Variants in ANXA3 observed in about 807,000 individuals in gnomAD.
The protein encoded by ANXA3 is annexin A3.
A neutral mutation model predicts 48.8 loss-of-function variants in ANXA3; 46 were observed. The ratio of observed to expected loss-of-function variants is 0.94; its 90% CI spans 0.74 to 1.21. The LOEUF (loss-of-function observed/expected upper bound fraction) is 1.21. Among genes scored for constraint, ANXA3 ranks in the 50% most tolerant of loss-of-function variants. The pLI, the probability that ANXA3 is intolerant of heterozygous loss-of-function variation, is 0.00. For synonymous variants in ANXA3, 128 were observed against 134.7 expected, an observed-to-expected ratio of 0.95 and a Z score of 0.35; for missense variants, 383 against 378.6, an observed-to-expected ratio of 1.01 and a Z score of -0.10.
chr4:78,595,245 C>T, intron 7 of ANXA3, 136 bp from the exon 8 acceptor site: 4 of 902,492 alleles, frequency 4.4e-6, no homozygotes, highest in Non-Finnish European at 7.1e-6. Flanking sequence ...AGAACTGGAG[C>T]CCTGAGTACA....
intron 12 of ANXA3, among the ~76,000 whole-genome samples, chr4:78,607,659 G>A (rs10028815): frequency 0.51 from 78,020 of 152,000 alleles, 21,583 homozygotes; most frequent in Middle Eastern, 0.62. Context: ...TCTATGTGGA[G>A]ACTTGAGGTA....
At chr4:78,573,632 C>T (rs1722888073) in intron 3 of ANXA3, among the ~76,000 whole-genome samples, 1 of 152,074 alleles carries the variant, frequency 6.6e-6, no homozygotes, top group Non-Finnish European at 1.5e-5. Flanking sequence ...AATACACACT[C>T]AGGAAAGGGG....
intron 12 of ANXA3, among the ~76,000 whole-genome samples, chr4:78,605,845 C>T (rs186261873): frequency 6.6e-6 from 1 of 152,324 alleles, no homozygotes; most frequent in African/African-American, 2.4e-5. Context: ...GGCTTCTGTA[C>T]CTTAAGCTCG....
At chr4:78,555,248 T>G (rs7696370) in intron 2 of ANXA3, among the ~76,000 whole-genome samples, 7,770 of 152,152 alleles carry the variant, frequency 0.051, 682 homozygotes, top group African/African-American at 0.18. Flanking sequence ...GATTGAAGAA[T>G]ATTCTTGGAG....
chr4:78,610,029 G>T (rs775165174), intron 12 of ANXA3, 27 bp from the exon 13 acceptor site: 3 of 1,554,220 alleles, frequency 1.9e-6, no homozygotes, highest in Non-Finnish European at 2.7e-6. Context: ...TACTGTATTT[G>T]TTCTTCATTG....
At chr4:78,590,667 G>C (rs17003373) in intron 6 of ANXA3, among the ~76,000 whole-genome samples, 1 of 152,060 alleles carries the variant, frequency 6.6e-6, no homozygotes, top group Non-Finnish European at 1.5e-5. Flanking sequence ...CAACTAGTCA[G>C]TACTAAAATA....
At chr4:78,562,572 A>C (rs1045741808) in intron 2 of ANXA3, among the ~76,000 whole-genome samples, 2 of 152,240 alleles carry the variant, frequency 1.3e-5, no homozygotes, top group African/African-American at 4.8e-5. Context: ...AAGCATTTTT[A>C]ATTCATTTAT....
intron 6 of ANXA3, among the ~76,000 whole-genome samples, chr4:78,586,725 A>G (rs562270978): frequency 1.3e-5 from 2 of 152,350 alleles, no homozygotes; most frequent in South Asian, 2.1e-4. Context: ...GGTGTGGGAA[A>G]TTAGATTAAT....
intron 8 of ANXA3, 137 bp downstream of exon 8, chr4:78,595,574 G>A: frequency 9.7e-7 from 1 of 1,031,086 alleles, no homozygotes; most frequent in Non-Finnish European, 1.4e-6. Flanking sequence ...AGAGAAGCCT[G>A]AAGCTTGGGG....
At chr4:78,579,532 A>G (rs1723031967) in intron 4 of ANXA3, among the ~76,000 whole-genome samples, 1 of 152,246 alleles carries the variant, frequency 6.6e-6, no homozygotes. Context: ...GCCCTCCACA[A>G]CAAAGAATTA....
At chr4:78,589,957 T>C (rs900490848) in intron 6 of ANXA3, among the ~76,000 whole-genome samples, 1 of 152,228 alleles carries the variant, frequency 6.6e-6, no homozygotes, top group African/African-American at 2.4e-5. Context: ...TCCAGGCACC[T>C]GTACTATTAA....
At chr4:78,595,987 G>A (rs948829520) in intron 9 of ANXA3, 100 bp downstream of exon 9, 29 of 762,492 alleles carry the variant, frequency 3.8e-5, no homozygotes, top group South Asian at 3.1e-4. Flanking sequence ...TTAAAATTGC[G>A]AAGTCTGTTC....
chr4:78,554,543 C>T (rs1722470626), intron 2 of ANXA3, 55 bp downstream of exon 2: 1 of 1,526,480 alleles, frequency 6.6e-7, no homozygotes, highest in Non-Finnish European at 9.1e-7. Flanking sequence ...CAAACCAAAA[C>T]ACAGAAGGTC....
intron 3 of ANXA3, among the ~76,000 whole-genome samples, chr4:78,578,181 T>C (rs1332506039): frequency 6.6e-6 from 1 of 151,448 alleles, no homozygotes; most frequent in Admixed American, 6.6e-5. Flanking sequence ...CTTGGGAGAC[T>C]GAGGCAGGAG....
chr4:78,562,330 C>T (rs1578390968), intron 2 of ANXA3, among the ~76,000 whole-genome samples: 1 of 152,180 alleles, frequency 6.6e-6, no homozygotes, highest in Admixed American at 6.5e-5. Context: ...TCAAGTCTAT[C>T]CCTTCATTAT....
Position 78,601,578 on chromosome 4 carries a change from G to A in ANXA3, c.789+10G>A. ...GCATCGAGCCTTGAAGGTTGGTCTG[G>A]AAAGTTCATGTGCATTCTTAGCGTC... On this transcript the variant is annotated intron_variant, in intron 11 of 12. Transcript: ENST00000264908. 6.2e-7 allele frequency: 1 copy of A among 1,613,146 alleles called. No individual in the cohort carries two copies. The highest frequency in any genetic ancestry group is 8.5e-7 in the Non-Finnish European group (1 of 1,179,174).
rs1261329759 is a variant in ANXA3 at position 78,610,050 on chromosome 4, T to G, written c.913-6T>G. On this transcript the variant is annotated splice_polypyrimidine_tract_variant and splice_region_variant and intron_variant, in intron 12 of 12. Transcript: ENST00000264908. ...ATTTGTTCTTCATTGATTTTATTCT[T>G]TGCAGTCGGATACTTCTGGAGACTA... 1.2e-6 allele frequency: 2 copies of G among 1,602,334 alleles called. No individual in the cohort carries two copies. Among genetic ancestry groups the G allele is most frequent in the South Asian group, 2.2e-5 (2 of 90,082 alleles).
chr4:78,605,862 A>G (rs57693300), intron 12 of ANXA3, among the ~76,000 whole-genome samples: 1 of 152,258 alleles, frequency 6.6e-6, no homozygotes. Context: ...CTCGTGGTTC[A>G]AAAGTCATAG....
At chr4:78,561,240 C>G (rs1380376674) in intron 2 of ANXA3, among the ~76,000 whole-genome samples, 1 of 152,100 alleles carries the variant, frequency 6.6e-6, no homozygotes, top group Non-Finnish European at 1.5e-5. Context: ...GCACAGCCCC[C>G]CTTCCCTCCC....
Sources: gnomAD v4.1 joint callset for allele counts (sites outside exome capture counted in the v4.1 genomes callset) on GRCh38, gnomAD v4.1.1 for gene constraint, MANE v1.5 for transcripts, NCBI Gene and HGNC (gene_info 2026-07-23, HGNC 2026-07-21) for gene names.